The following ASB7 variants were observed in gnomAD, a reference collection of about 807,000 sequenced individuals.
ASB7 encodes ankyrin repeat and SOCS box protein 7.
In ASB7, 4 loss-of-function variants were observed where a neutral mutation model predicts 32.5. The observed-to-expected ratio is 0.12, with a 90% CI of 0.06 to 0.28. The LOEUF is 0.28. Ranked by LOEUF, ASB7 falls within the 10% of genes least tolerant of loss-of-function variation. ASB7 has a pLI of 1.00. For synonymous variants in ASB7, 172 were observed against 155.6 expected, an observed-to-expected ratio of 1.11 and a Z score of -0.78; for missense variants, 181 against 407.1, an observed-to-expected ratio of 0.44 and a Z score of 4.78.
chr15:100,635,947 T>C (rs925728439), intron 5 of ASB7, among the ~76,000 whole-genome samples: 5 of 152,170 alleles, frequency 3.3e-5, no homozygotes, highest in African/African-American at 1.2e-4. Context: ...TACTCTCACC[T>C]CCTCATGCTG....
At chr15:100,633,491 C>T (rs769663226) in intron 5 of ASB7, among the ~76,000 whole-genome samples, 6 of 151,986 alleles carry the variant, frequency 3.9e-5, no homozygotes, top group Non-Finnish European at 5.9e-5. Flanking sequence ...GCAGGAGAAT[C>T]GCTTGAACCC....
At position 100,642,452 on chromosome 15, in the gene ASB7, A is replaced by G. The variant is rs538451979; in HGVS notation, c.818-5871A>G. 3.9e-5 allele frequency among the ~76,000 whole-genome samples: 6 copies of G among 152,336 alleles called. No homozygotes were observed. In the East Asian group the frequency reaches 1.2e-3, roughly 29 times the overall value. On this transcript the variant is annotated intron_variant, in intron 5 of 5. Coordinates refer to ENST00000332783, the MANE Select transcript of ASB7 (RefSeq NM_198243.3). ...AGACTTTGCACTATTACATACATACAAGGCTTCCCCGTCTTCCAGCTTCTA... is the reference window on the plus strand; with the variant it reads ...AGACTTTGCACTATTACATACATACGAGGCTTCCCCGTCTTCCAGCTTCTA...
chr15:100,647,897 G>C (rs1262701790), intron 5 of ASB7, among the ~76,000 whole-genome samples: 9 of 152,290 alleles, frequency 5.9e-5, no homozygotes, highest in Middle Eastern at 3.4e-3. Context: ...AGATTGAGAA[G>C]CCAAGGCTCA....
chr15:100,641,275 T>G (rs1458636199), intron 5 of ASB7, among the ~76,000 whole-genome samples: 1 of 152,224 alleles, frequency 6.6e-6, no homozygotes, highest in Non-Finnish European at 1.5e-5. Flanking sequence ...TAATAGATGC[T>G]CAGTAAATAC....
intron 5 of ASB7, chr15:100,630,296 A>C (rs2039874273): frequency 1.2e-6 from 1 of 826,784 alleles, no homozygotes; most frequent in Non-Finnish European, 1.6e-6. Flanking sequence ...AGAGAAGGAC[A>C]GAGAGGAGAA....
At position 100,648,468 on chromosome 15, in the gene ASB7, C is replaced by G. The variant is rs1466129748; in HGVS notation, c.*6C>G. ...ACAAATTTGATGATATCTGATATGC[C>G]AGAACTGTGAGCAAGATTAGGAGTT... On this transcript the variant is annotated 3_prime_UTR_variant, in exon 6 of 6. Transcript: ENST00000332783. 6.3e-7 allele frequency: 1 copy of G among 1,598,036 alleles called. No individual in the cohort carries two copies. Among genetic ancestry groups the G allele is most frequent in the African/African-American group, 1.4e-5 (1 of 74,066 alleles).
intron 4 of ASB7, among the ~76,000 whole-genome samples, chr15:100,620,869 G>A (rs1272406488): frequency 6.6e-6 from 1 of 152,162 alleles, no homozygotes; most frequent in Non-Finnish European, 1.5e-5. Flanking sequence ...TGGCCCACGG[G>A]CAGTTGGCTA....
chr15:100,640,505 G>C (rs777440977), intron 5 of ASB7, among the ~76,000 whole-genome samples: 1 of 152,180 alleles, frequency 6.6e-6, no homozygotes, highest in Non-Finnish European at 1.5e-5. Flanking sequence ...GGCCATCCCA[G>C]ATGTTGACCT....
chr15:100,628,320 T>C (rs942269069), intron 4 of ASB7, among the ~76,000 whole-genome samples: 3 of 152,264 alleles, frequency 2.0e-5, no homozygotes, highest in South Asian at 4.1e-4. Context: ...TGTCATAATA[T>C]GTTCTAGACC....
chr15:100,620,794 A>G (rs943447836), intron 4 of ASB7, among the ~76,000 whole-genome samples: 3 of 152,234 alleles, frequency 2.0e-5, no homozygotes, highest in African/African-American at 7.2e-5. Flanking sequence ...TTTCAAGAAA[A>G]TAACGTTGGA....
chr15:100,635,953 T>G (rs2039919886), intron 5 of ASB7, among the ~76,000 whole-genome samples: 1 of 152,186 alleles, frequency 6.6e-6, no homozygotes, highest in Non-Finnish European at 1.5e-5. Flanking sequence ...CACCTCCTCA[T>G]GCTGGAGCCA....
intron 4 of ASB7, among the ~76,000 whole-genome samples, chr15:100,624,273 A>G (rs2039818495): frequency 6.6e-6 from 1 of 152,202 alleles, no homozygotes; most frequent in Admixed American, 6.5e-5. Flanking sequence ...ACAATGTATT[A>G]TGTATCTCAG....
chr15:100,628,804 T>C (rs758163969), intron 4 of ASB7, among the ~76,000 whole-genome samples: 2 of 152,278 alleles, frequency 1.3e-5, no homozygotes, highest in Non-Finnish European at 2.9e-5. Flanking sequence ...CATTGCTTAA[T>C]TCTTATAAAC....
chr15:100,620,558 T>A (rs552108941), intron 4 of ASB7, among the ~76,000 whole-genome samples: 1 of 80,506 alleles, frequency 1.2e-5, no homozygotes, highest in Non-Finnish European at 3.6e-5. Flanking sequence ...TGGTAGTCTT[T>A]ATGGGATGCA....
In ASB7 at chr15:100,626,273, G is replaced by A. The variant is rs115257852; in HGVS notation, c.212-3164G>A. On this transcript the variant is annotated intron_variant, in intron 4 of 5. Transcript: ENST00000332783. ...TGTATCCAGAATATACACAGAATTTGTACAACTCATTAATGAGGAGACAAC... is the reference window on the plus strand; with the variant it reads ...TGTATCCAGAATATACACAGAATTTATACAACTCATTAATGAGGAGACAAC... Among the ~76,000 whole-genome samples the A allele has an allele frequency of 6.7e-3, 1,015 of 152,250 alleles. 16 individuals are homozygous for A. Among genetic ancestry groups the A allele is most frequent in the African/African-American group, 0.023 (969 of 41,550 alleles).
intron 4 of ASB7, among the ~76,000 whole-genome samples, chr15:100,625,380 T>C (rs2039828993): frequency 1.3e-5 from 2 of 152,330 alleles, no homozygotes; most frequent in South Asian, 2.1e-4. Context: ...GGGTAGGTTA[T>C]AGAATACACA....
In ASB7 at chr15:100,649,208, G is replaced by A. The variant is rs540968703; in HGVS notation, c.*746G>A. The A allele has an allele frequency of 6.6e-6, 1 of 152,602 alleles. No homozygotes were observed. Among genetic ancestry groups the A allele is most frequent in the Non-Finnish European group, 1.5e-5 (1 of 68,022 alleles). 9.5% of individuals were successfully genotyped at this position (152,602 alleles called of 1,614,324 possible). ...AAGAAAATAACTTTGTGAAGCCAGTGTATTCTGTTTTTAAAACTGTGCCTG... is the reference window on the plus strand; with the variant it reads ...AAGAAAATAACTTTGTGAAGCCAGTATATTCTGTTTTTAAAACTGTGCCTG... On this transcript the variant is annotated 3_prime_UTR_variant, in exon 6 of 6. Transcript: ENST00000332783.
At chr15:100,608,433 C>T (rs1183302043) in intron 2 of ASB7, among the ~76,000 whole-genome samples, 5 of 152,172 alleles carry the variant, frequency 3.3e-5, no homozygotes, top group Non-Finnish European at 7.3e-5. Context: ...TCAATGTGAA[C>T]TCTTGATATC....
At chr15:100,645,702 G>T in intron 5 of ASB7, 1 of 1,562,838 alleles carries the variant, frequency 6.4e-7, no homozygotes, top group African/African-American at 1.4e-5. Context: ...TTAGTTTGGG[G>T]ATCCCACAGT....
Sources: allele counts gnomAD v4.1 joint callset (sites outside exome capture counted in the v4.1 genomes callset), GRCh38; gene constraint gnomAD v4.1.1; transcripts MANE v1.5; gene names NCBI Gene and HGNC (gene_info 2026-07-23, HGNC 2026-07-21).